The following TLL1 variants were observed in gnomAD, a reference collection of about 807,000 sequenced individuals.
TLL1 encodes the protein tolloid like 1.
In TLL1, 49 loss-of-function variants were observed where a neutral mutation model predicts 128.2. That is an observed-to-expected ratio of 0.38 (90% CI 0.30 to 0.48). The LOEUF (loss-of-function observed/expected upper bound fraction) is 0.48. Ranked by LOEUF, TLL1 falls within the 20% of genes least tolerant of loss-of-function variation. The pLI, the probability that TLL1 is intolerant of heterozygous loss-of-function variation, is 0.96. For synonymous variants in TLL1, 454 were observed against 418.8 expected (o/e 1.08, Z -1.03); for missense variants, 1,123 against 1,242.0 (o/e 0.90, Z 1.44).
intron 2 of TLL1, among the ~76,000 whole-genome samples, chr4:165,992,094 C>A (rs1281753718): frequency 6.6e-6 from 1 of 151,960 alleles, no homozygotes; most frequent in Non-Finnish European, 1.5e-5. Context: ...TGCAAGAACA[C>A]ATATTGCCTT....
chr4:165,900,117 C>A (rs148508458), intron 1 of TLL1, among the ~76,000 whole-genome samples: 3,580 of 149,776 alleles, frequency 0.024, 87 homozygotes, highest in East Asian at 0.11. Context: ...TTCTTTTGAG[C>A]CTATGTGTGT....
rs1408093373 is a variant in TLL1 at position 166,100,827 on chromosome 4, T to A, written c.2993T>A (p.Ile998Lys). Residue 998 changes from isoleucine to lysine, a missense_variant, in exon 21 of 21, where the codon ATA becomes AAA. Physicochemically the swap from Ile to Lys is moderately radical, Grantham distance 102 (BLOSUM62 -3). Around this residue, in one of 3 missense-constraint regions of TLL1, gnomAD observed 634 missense variants for 672.4 expected, o/e 0.94. Coordinates refer to ENST00000061240, the MANE Select transcript of TLL1 (RefSeq NM_012464.5). ...DDTINKKGFH[I>K]RYKSIRYPDT... Reference sequence around the variant, plus strand: ...ACAATCAACAAGAAGGGATTTCATATAAGATACAAAAGCATAAGATATCCA... The same window carrying A: ...ACAATCAACAAGAAGGGATTTCATAAAAGATACAAAAGCATAAGATATCCA... 2.5e-6 allele frequency: 4 copies of A among 1,612,954 alleles called. No individual in the cohort carries two copies. In the Admixed American group the frequency reaches 5.0e-5, roughly 20 times the overall value.
chr4:165,994,675 A>C, intron 4 of TLL1, 142 bp downstream of exon 4: 2 of 930,326 alleles, frequency 2.1e-6, no homozygotes, highest in Non-Finnish European at 3.3e-6. Flanking sequence ...TTAGGTTATT[A>C]GTGTAGAGTG....
intron 1 of TLL1, among the ~76,000 whole-genome samples, chr4:165,884,237 C>T (rs1480152198): frequency 6.6e-6 from 1 of 152,156 alleles, no homozygotes; most frequent in Non-Finnish European, 1.5e-5. Context: ...GTATTAATCA[C>T]ATAATTGCAT....
intron 1 of TLL1, among the ~76,000 whole-genome samples, chr4:165,917,333 G>A (rs1307731988): frequency 1.3e-5 from 2 of 152,102 alleles, no homozygotes; most frequent in Non-Finnish European, 2.9e-5. Context: ...AGAATCTCTG[G>A]AGTCAAGTCT....
chr4:165,980,153 A>T (rs1001990318), intron 1 of TLL1, among the ~76,000 whole-genome samples: 1 of 130,898 alleles, frequency 7.6e-6, no homozygotes, highest in African/African-American at 4.6e-5. Flanking sequence ...TTTTCTTCAC[A>T]TGTTTTTATT....
chr4:166,059,888 G>C (rs1402222160), intron 14 of TLL1, 140 bp from the exon 15 acceptor site: 2 of 980,602 alleles, frequency 2.0e-6, no homozygotes, highest in Admixed American at 1.9e-5. Flanking sequence ...AAGGAGCAGA[G>C]ACTGCCATTT....
intron 6 of TLL1, among the ~76,000 whole-genome samples, chr4:166,007,446 C>T (rs972990693): frequency 1.3e-5 from 2 of 151,564 alleles, no homozygotes; most frequent in African/African-American, 4.8e-5. Context: ...GTGATGAAAT[C>T]GTGGAGCAAA....
At chr4:166,041,388 CCT>C (rs1259500676) in intron 10 of TLL1, among the ~76,000 whole-genome samples, 15 of 151,392 alleles carry the variant, frequency 9.9e-5, no homozygotes, top group African/African-American at 3.2e-4. Context: ...GCAACCTCTG[CCT>C]CTCGGACTCA....
chr4:165,970,564 A>C (rs1735585437), intron 1 of TLL1, among the ~76,000 whole-genome samples: 1 of 152,182 alleles, frequency 6.6e-6, no homozygotes, highest in Non-Finnish European at 1.5e-5. Flanking sequence ...CTAGCATTTA[A>C]AATAGACATT....
intron 1 of TLL1, among the ~76,000 whole-genome samples, chr4:165,941,594 C>T (rs948743700): frequency 6.6e-6 from 1 of 152,082 alleles, no homozygotes; most frequent in Non-Finnish European, 1.5e-5. Flanking sequence ...TACTCCTTAA[C>T]AAATTGTTTA....
intron 12 of TLL1, among the ~76,000 whole-genome samples, chr4:166,051,494 TATTA>T (rs1394105292): frequency 6.6e-6 from 1 of 152,190 alleles, no homozygotes; most frequent in African/African-American, 2.4e-5. Flanking sequence ...CCATTCCATA[TATTA>T]ATTGATGAAG....
intron 1 of TLL1, among the ~76,000 whole-genome samples, chr4:165,878,627 C>A (rs1730826927): frequency 6.6e-6 from 1 of 152,020 alleles, no homozygotes; most frequent in Non-Finnish European, 1.5e-5. Flanking sequence ...AAAAGCTCTT[C>A]TTTTCTTTTC....
chr4:165,939,194 G>A (rs756350186), intron 1 of TLL1, among the ~76,000 whole-genome samples: 10 of 151,964 alleles, frequency 6.6e-5, no homozygotes, highest in African/African-American at 9.7e-5. Context: ...TGACCCTCAA[G>A]TTATCTGTAA....
At chr4:165,919,942 A>G (rs1732971027) in intron 1 of TLL1, 1 of 418,808 alleles carries the variant, frequency 2.4e-6, no homozygotes, top group African/African-American at 2.1e-5. Context: ...GAGTCAATGT[A>G]AGTGACTTCC....
Position 166,100,743 on chromosome 4 carries a change from C to A in TLL1, c.2909C>A (p.Pro970Gln). ...VGLGRFCGSG[P>Q]PEEIYSIGDS... The stretch of plus-strand genomic sequence containing the variant: ...CTTGTTGTTTTTGTTTTCCTTCAGC[C>A]ACCAGAAGAGATTTATTCAATTGGA... Residue 970 changes from proline (P) to glutamine (Q), a missense_variant and splice_region_variant, in exon 21 of 21, where the codon CCA becomes CAA. Around this residue, in one of 3 missense-constraint regions of TLL1, gnomAD observed 634 missense variants for 672.4 expected, o/e 0.94. Coordinates refer to ENST00000061240, the MANE Select transcript of TLL1 (RefSeq NM_012464.5). 3 of 1,612,682 alleles carry A rather than the reference C, an allele frequency of 1.9e-6. No individual in the cohort carries two copies. In the Admixed American group the frequency reaches 5.0e-5, roughly 27 times the overall value.
intron 1 of TLL1, among the ~76,000 whole-genome samples, chr4:165,892,115 C>A (rs556996365): frequency 1.3e-5 from 2 of 152,168 alleles, no homozygotes; most frequent in Non-Finnish European, 2.9e-5. Context: ...GGGGAAAACC[C>A]CTTGTAAAAC....
At chr4:166,050,353 C>T (rs1175634752) in intron 12 of TLL1, among the ~76,000 whole-genome samples, 1 of 152,118 alleles carries the variant, frequency 6.6e-6, no homozygotes, top group Non-Finnish European at 1.5e-5. Flanking sequence ...ATCAATGAAC[C>T]TGTGGATTGC....
intron 17 of TLL1, among the ~76,000 whole-genome samples, chr4:166,076,347 G>A (rs1231965380): frequency 1.3e-5 from 2 of 151,888 alleles, no homozygotes; most frequent in Non-Finnish European, 2.9e-5. Flanking sequence ...TGCTGGGATC[G>A]CAGGCATGAG....
Sources: gnomAD v4.1 joint callset for allele counts (sites outside exome capture counted in the v4.1 genomes callset) on GRCh38, gnomAD v4.1.1 for gene constraint, gnomAD v4.1.1 regional missense constraint, MANE v1.5 for transcripts, NCBI Gene and HGNC (gene_info 2026-07-23, HGNC 2026-07-21) for gene names.